The following RP1 variants were observed in gnomAD, a reference collection of about 807,000 sequenced individuals.
The protein encoded by RP1 is oxygen-regulated protein 1.
A neutral mutation model predicts 14.8 loss-of-function variants in RP1; 16 were observed. The observed-to-expected ratio is 1.08, with a 90% CI of 0.73 to 1.65. The LOEUF (loss-of-function observed/expected upper bound fraction) is 1.65. RP1 is among the 40% of genes most tolerant of loss of function. The probability of loss-of-function intolerance (pLI) is 0.00; values close to 1 mark genes in which losing one functional copy is unlikely to be tolerated. For missense variants in RP1, 2,631 were observed against 2,535.0 expected (o/e 1.04, Z -0.81); for synonymous variants, 876 against 883.6 (o/e 0.99, Z 0.15).
At chr8:54,580,986 C>A (rs1403457654) in intron 1 of RP1, among the ~76,000 whole-genome samples, 1 of 134,032 alleles carries the variant, frequency 7.5e-6, no homozygotes. Context: ...GACTCAAATT[C>A]TTTTTATTTA....
intron 7 of RP1, among the ~76,000 whole-genome samples, chr8:54,666,937 G>T (rs1807031865): frequency 6.6e-6 from 1 of 151,784 alleles, no homozygotes; most frequent in South Asian, 2.1e-4. Flanking sequence ...CCTCAATCTG[G>T]ATTCAATGCA....
chr8:54,608,928 A>T (rs1055326858), intron 1 of RP1, among the ~76,000 whole-genome samples: 1 of 152,216 alleles, frequency 6.6e-6, no homozygotes, highest in Admixed American at 6.5e-5. Context: ...AGGATCTGAC[A>T]GTAGATAGAC....
intron 24 of RP1, among the ~76,000 whole-genome samples, chr8:54,837,067 G>A (rs964194919): frequency 2.6e-5 from 4 of 152,046 alleles, no homozygotes; most frequent in South Asian, 2.1e-4. Flanking sequence ...CTCTTCCTCA[G>A]GATCTCACTG....
exon 9 of RP1, chr8:54,678,467 G>A (rs1400512979): frequency 1.3e-6 from 2 of 1,533,476 alleles, no homozygotes; most frequent in African/African-American, 2.7e-5. Context: ...TTAGGAAATG[G>A]TTGGTTTCTT....
chr8:54,653,522 C>T (rs542432959), intron 5 of RP1, among the ~76,000 whole-genome samples: 13 of 152,236 alleles, frequency 8.5e-5, no homozygotes, highest in South Asian at 8.3e-4. Context: ...CTGATATTTT[C>T]GGCAAACTTA....
intron 1 of RP1, among the ~76,000 whole-genome samples, chr8:54,584,684 C>T (rs1804877224): frequency 6.6e-6 from 1 of 152,092 alleles, no homozygotes; most frequent in Non-Finnish European, 1.5e-5. Flanking sequence ...TCTGGGTGCT[C>T]CTGTATTGGG....
chr8:54,711,247 G>A (rs1021758474), intron 15 of RP1, among the ~76,000 whole-genome samples: 14 of 152,018 alleles, frequency 9.2e-5, no homozygotes, highest in Admixed American at 4.6e-4. Flanking sequence ...ACTGTACATC[G>A]GTAACTTTTG....
chr8:54,701,384 T>A (rs1808012777), intron 13 of RP1: 5 of 947,612 alleles, frequency 5.3e-6, no homozygotes, highest in East Asian at 3.1e-5. Flanking sequence ...GTACAAAGTT[T>A]CCATAAAATG....
intron 1 of RP1, among the ~76,000 whole-genome samples, chr8:54,566,159 G>A (rs1163197890): frequency 6.6e-6 from 1 of 152,200 alleles, no homozygotes; most frequent in Admixed American, 6.5e-5. Context: ...ACATTCTGAG[G>A]AGCTGAGGGT....
At chr8:54,777,893 A>C (rs1810081100) in intron 23 of RP1, among the ~76,000 whole-genome samples, 1 of 152,236 alleles carries the variant, frequency 6.6e-6, no homozygotes, top group Non-Finnish European at 1.5e-5. Context: ...AAATAACAAT[A>C]TCCTTGTCCT....
exon 16 of RP1, chr8:54,720,182 A>T: frequency 6.5e-7 from 1 of 1,535,818 alleles, no homozygotes; most frequent in Non-Finnish European, 8.7e-7. Flanking sequence ...TGAAGAATGC[A>T]TCCATAAGCC....
downstream of RP1, chr8:54,630,891 C>T: frequency 3.4e-6 from 3 of 892,704 alleles, no homozygotes; most frequent in Non-Finnish European, 4.0e-6. Flanking sequence ...GCAAGCATTT[C>T]CATGGGACAG....
intron 3 of RP1, among the ~76,000 whole-genome samples, chr8:54,640,529 G>T (rs1806434326): frequency 6.6e-6 from 1 of 152,122 alleles, no homozygotes; most frequent in Admixed American, 6.5e-5. Flanking sequence ...ACTTCCCCCT[G>T]CTGTGTAAAT....
intron 1 of RP1, among the ~76,000 whole-genome samples, chr8:54,597,634 T>C (rs978225435): frequency 5.9e-5 from 9 of 152,334 alleles, no homozygotes; most frequent in South Asian, 2.1e-4. Flanking sequence ...AAGCAGGTTA[T>C]TAATGAAACT....
chr8:54,805,713 T>C (rs1321779839), intron 24 of RP1, among the ~76,000 whole-genome samples: 1 of 149,750 alleles, frequency 6.7e-6, no homozygotes, highest in Admixed American at 6.7e-5. Context: ...TTTCCATTTC[T>C]CTAGTTTTTT....
chr8:54,695,497 T>A (rs971651115), intron 12 of RP1, among the ~76,000 whole-genome samples: 2 of 152,074 alleles, frequency 1.3e-5, no homozygotes, highest in Non-Finnish European at 2.9e-5. Flanking sequence ...AATAAGATAA[T>A]ACCTTTATAG....
At chr8:54,808,856 AC>A (rs1246725083) in intron 24 of RP1, among the ~76,000 whole-genome samples, 4 of 152,226 alleles carry the variant, frequency 2.6e-5, no homozygotes, top group African/African-American at 9.6e-5. Flanking sequence ...TGATGGCCAC[AC>A]CCCGTTCTAC....
intron 19 of RP1, among the ~76,000 whole-genome samples, chr8:54,753,999 A>G (rs991666588): frequency 2.0e-5 from 3 of 152,162 alleles, no homozygotes; most frequent in African/African-American, 7.2e-5. Context: ...ATCTATTGTG[A>G]TAGGAGGCAA....
At position 54,627,314 on chromosome 8, in the gene RP1, CT is replaced by C; in HGVS notation, c.3434del (p.Phe1145SerfsTer23). ...VLNLKGSMNS[F>X]CQVDAHKATN... ...TAAACCTAAAGGGAAGTATGAATAG[CT>C]TCTGTCAAGTTGATGCTCACAAGGC... On this transcript the variant is annotated frameshift_variant, in exon 4 of 4. Transcript: ENST00000220676. LOFTEE classifies it low-confidence loss of function (END_TRUNC). 4 of 1,614,148 alleles carry C rather than the reference CT, an allele frequency of 2.5e-6. No homozygotes were observed. The highest frequency in any genetic ancestry group is 2.5e-6 in the Non-Finnish European group (3 of 1,179,996).
Sources: allele counts gnomAD v4.1 joint callset (sites outside exome capture counted in the v4.1 genomes callset), GRCh38; gene constraint gnomAD v4.1.1; transcripts MANE v1.5; gene names NCBI Gene and HGNC (gene_info 2026-07-23, HGNC 2026-07-21).